COL19A1: variants seen among roughly 807,000 people sequenced by gnomAD.
COL19A1 encodes the protein collagen alpha-1(XIX) chain.
In COL19A1, 159 loss-of-function variants were observed where a neutral mutation model predicts 190.2. The observed-to-expected ratio is 0.84, with a 90% confidence interval of 0.73 to 0.95. The LOEUF is 0.95. COL19A1 is among the 40% of genes least tolerant of loss of function. The pLI is 0.00. For synonymous variants in COL19A1, 509 were observed against 458.9 expected, an observed-to-expected ratio of 1.11 and a Z score of -1.39; for missense variants, 1,418 against 1,431.9, an observed-to-expected ratio of 0.99 and a Z score of 0.16.
intron 18 of COL19A1, among the ~76,000 whole-genome samples, chr6:70,136,044 T>G (rs996963157): frequency 6.6e-6 from 1 of 152,192 alleles, no homozygotes; most frequent in African/African-American, 2.4e-5. Context: ...ATCAACAGAG[T>G]AGGCCCTGTT....
intron 11 of COL19A1, among the ~76,000 whole-genome samples, chr6:69,989,545 GT>G (rs1354753241): frequency 2.4e-5 from 3 of 126,144 alleles, no homozygotes; most frequent in African/African-American, 7.5e-5. Context: ...CATAATGAGA[GT>G]TTTTTACTTT....
chr6:69,878,450 G>A (rs953776968), intron 1 of COL19A1, among the ~76,000 whole-genome samples: 6 of 151,778 alleles, frequency 4.0e-5, no homozygotes, highest in Non-Finnish European at 5.9e-5. Flanking sequence ...TCTTTACCTC[G>A]TGATCGCCCG....
intron 11 of COL19A1, among the ~76,000 whole-genome samples, chr6:69,995,740 C>T (rs1562070593): frequency 6.6e-6 from 1 of 152,070 alleles, no homozygotes; most frequent in East Asian, 1.9e-4. Flanking sequence ...ATTTGATTCT[C>T]ATATATGAAA....
chr6:70,107,097 A>G (rs1784023861), intron 16 of COL19A1, among the ~76,000 whole-genome samples: 1 of 152,202 alleles, frequency 6.6e-6, no homozygotes, highest in African/African-American at 2.4e-5. Context: ...GGAAATGTCA[A>G]GTAACTTACC....
chr6:69,869,855 A>G (rs1423570432), intron 1 of COL19A1, among the ~76,000 whole-genome samples: 2 of 152,256 alleles, frequency 1.3e-5, no homozygotes, highest in Non-Finnish European at 2.9e-5. Flanking sequence ...TCTGGAATGT[A>G]GACACTAGTT....
In COL19A1 at chr6:70,206,917, G is replaced by A. The variant is rs1285022632; in HGVS notation, c.3240G>A (p.Lys1080=). ...CTCACTTAGGCTACAGAGGACAGAA[G>A]GGAGAAAGAGGTGAACCTGGAATTG... ...DPGPQGYRGQ[K]GERGEPGIGL... The change falls in exon 50 of 51, where the codon AAG becomes AAA. Residue 1080 remains lysine, a synonymous_variant. Coordinates refer to ENST00000620364, the MANE Select transcript of COL19A1 (RefSeq NM_001858.6). 1.9e-6 allele frequency: 3 copies of A among 1,613,684 alleles called. No individual in the cohort carries two copies. Among genetic ancestry groups the A allele is most frequent in the South Asian group, 1.1e-5 (1 of 91,062 alleles).
intron 2 of COL19A1, among the ~76,000 whole-genome samples, chr6:69,895,386 A>T (rs1269903746): frequency 1.3e-5 from 2 of 152,208 alleles, no homozygotes; most frequent in African/African-American, 4.8e-5. Flanking sequence ...CCCACATTGA[A>T]CACCAAAAAT....
chr6:70,106,357 T>TGTGC (rs1783965630), intron 16 of COL19A1, among the ~76,000 whole-genome samples: 1 of 151,992 alleles, frequency 6.6e-6, no homozygotes, highest in Admixed American at 6.6e-5. Context: ...TGTGTGTGTG[T>TGTGC]GTGTAAGAGG....
intron 4 of COL19A1, among the ~76,000 whole-genome samples, chr6:69,927,687 C>T (rs1435866002): frequency 1.3e-5 from 2 of 152,120 alleles, no homozygotes; most frequent in African/African-American, 2.4e-5. Flanking sequence ...AAGGAAATGT[C>T]ACAATTTAAT....
intron 16 of COL19A1, among the ~76,000 whole-genome samples, chr6:70,106,808 C>T (rs886999363): frequency 6.6e-6 from 1 of 152,174 alleles, no homozygotes; most frequent in Non-Finnish European, 1.5e-5. Flanking sequence ...TGGAGGGAAA[C>T]TATTACATAG....
rs149144847 is a variant in COL19A1 at position 70,064,525 on chromosome 6, G to A, written c.1171-3898G>A. On this transcript the variant is annotated intron_variant, in intron 14 of 50. Coordinates refer to ENST00000620364, the MANE Select transcript of COL19A1 (RefSeq NM_001858.6). ...TATCATACTGGATGGGCAAAAACTG[G>A]AAGCATTCCCTTTGAAAACTGGCAC... 3.7e-3 allele frequency among the ~76,000 whole-genome samples: 564 copies of A among 152,214 alleles called. 11 individuals carry two copies. Among genetic ancestry groups the A allele is most frequent in the African/African-American group, 0.013 (535 of 41,526 alleles).
rs777127088 is a variant in COL19A1, at chr6:70,121,886, C to T, written c.1285C>T (p.Pro429Ser). The T allele has an allele frequency of 6.3e-7, 1 of 1,578,764 alleles. No individual in the cohort carries two copies. Among genetic ancestry groups the T allele is most frequent in the Admixed American group, 1.8e-5 (1 of 55,256 alleles). The change falls in exon 17 of 51, where the codon CCT (proline) becomes TCT (serine). Residue 429 changes from proline to serine, a missense_variant. By Grantham distance (74) the Pro-to-Ser change is moderately conservative. Coordinates refer to ENST00000620364, the MANE Select transcript of COL19A1 (RefSeq NM_001858.6). ...KPGPPGPPGP[P>S]GIQGIHQTLG... ...TGATTTGTTTATAATACAGGGACCT[C>T]CTGGAATACAAGGAATACACCAAAC... is the stretch of plus-strand genomic sequence containing the variant.
intron 34 of COL19A1, among the ~76,000 whole-genome samples, chr6:70,160,475 C>A (rs1787730398): frequency 6.6e-6 from 1 of 152,084 alleles, no homozygotes; most frequent in South Asian, 2.1e-4. Flanking sequence ...ATTCCAAAAC[C>A]AAAGCCTCTG....
chr6:70,175,809 A>C (rs942262778), intron 41 of COL19A1, among the ~76,000 whole-genome samples: 2 of 152,178 alleles, frequency 1.3e-5, no homozygotes, highest in Admixed American at 6.5e-5. Flanking sequence ...ACACCTTTAC[A>C]ACATTGTCTT....
intron 40 of COL19A1, 114 bp downstream of exon 40, chr6:70,168,795 T>G (rs551747610): frequency 9.1e-7 from 1 of 1,095,016 alleles, no homozygotes; most frequent in African/African-American, 1.6e-5. Flanking sequence ...ATTAACATGC[T>G]GGTGGTGACA....
intron 14 of COL19A1, among the ~76,000 whole-genome samples, chr6:70,046,124 G>T (rs947526470): frequency 6.6e-6 from 1 of 152,152 alleles, no homozygotes; most frequent in East Asian, 1.9e-4. Context: ...ACATAAGTGA[G>T]TTAGCCTTCA....
intron 4 of COL19A1, among the ~76,000 whole-genome samples, chr6:69,913,970 A>C (rs1317310006): frequency 6.6e-6 from 1 of 151,416 alleles, no homozygotes; most frequent in Admixed American, 6.6e-5. Flanking sequence ...AAAAAAAAAA[A>C]CCCTTTCCTG....
chr6:70,044,223 T>C (rs1779786319), intron 14 of COL19A1, among the ~76,000 whole-genome samples: 1 of 152,230 alleles, frequency 6.6e-6, no homozygotes, highest in Non-Finnish European at 1.5e-5. Context: ...AATGTTGTGG[T>C]TTAAGGGAAT....
chr6:70,042,497 G>A (rs972563489), intron 14 of COL19A1, among the ~76,000 whole-genome samples: 15 of 152,194 alleles, frequency 9.9e-5, no homozygotes, highest in African/African-American at 3.6e-4. Flanking sequence ...CCTTCAGTGA[G>A]TTGTAATCTT....
Sources: allele counts gnomAD v4.1 joint callset (sites outside exome capture counted in the v4.1 genomes callset), GRCh38; gene constraint gnomAD v4.1.1; transcripts MANE v1.5; gene names NCBI Gene and HGNC (gene_info 2026-07-23, HGNC 2026-07-21).